PTPRG: variants seen among roughly 807,000 people sequenced by gnomAD.
The protein encoded by PTPRG is receptor-type tyrosine-protein phosphatase gamma.
PTPRG carries 102 observed loss-of-function variants against 165.3 expected under a neutral mutation model. The observed-to-expected ratio is 0.62, with a 90% CI of 0.53 to 0.73. The LOEUF is 0.73. Ranked by LOEUF, PTPRG falls within the 30% of genes least tolerant of loss-of-function variation. PTPRG has a pLI of 0.00. For synonymous variants in PTPRG, 675 were observed against 669.5 expected (o/e 1.01, Z -0.13); for missense variants, 1,866 against 1,861.4 (o/e 1.00, Z -0.05).
intron 1 of PTPRG, among the ~76,000 whole-genome samples, chr3:61,575,394 G>A (rs1021015776): frequency 6.6e-6 from 1 of 152,030 alleles, no homozygotes; most frequent in African/African-American, 2.4e-5. Flanking sequence ...AGTGGCAAAT[G>A]TGTATTTAAA....
chr3:61,725,827 G>A (rs1011208635), intron 1 of PTPRG, among the ~76,000 whole-genome samples: 5 of 151,584 alleles, frequency 3.3e-5, no homozygotes, highest in South Asian at 2.1e-4. Flanking sequence ...CAGTTCTAAC[G>A]GTTTGGTAAT....
chr3:62,191,370 A>G, intron 8 of PTPRG, 99 bp from the exon 9 acceptor site: 2 of 1,089,078 alleles, frequency 1.8e-6, no homozygotes, highest in South Asian at 1.6e-5. Flanking sequence ...TGCTTCCTGT[A>G]TTACTCTTTC....
At chr3:62,117,450 A>G (rs1702906591) in intron 5 of PTPRG, among the ~76,000 whole-genome samples, 1 of 152,236 alleles carries the variant, frequency 6.6e-6, no homozygotes, top group Admixed American at 6.5e-5. Flanking sequence ...AGATCTGATT[A>G]ACACAACACT....
chr3:61,738,111 C>T (rs2032792495), intron 1 of PTPRG, among the ~76,000 whole-genome samples: 2 of 149,278 alleles, frequency 1.3e-5, no homozygotes, highest in Non-Finnish European at 3.0e-5. Context: ...GGGGTTTCAC[C>T]GTGGTCTCGA....
At chr3:61,701,245 C>T (rs1004192951) in intron 1 of PTPRG, among the ~76,000 whole-genome samples, 3 of 152,120 alleles carry the variant, frequency 2.0e-5, no homozygotes, top group African/African-American at 7.2e-5. Flanking sequence ...TCCTCATGGT[C>T]TTGTCAGAAC....
chr3:62,250,009 A>G (rs1324457698), intron 15 of PTPRG, among the ~76,000 whole-genome samples: 3 of 152,192 alleles, frequency 2.0e-5, no homozygotes, highest in East Asian at 3.9e-4. Context: ...AGGGTTGTGC[A>G]TGTAAAGCAA....
At chr3:62,145,884 T>A (rs1293167135) in intron 6 of PTPRG, among the ~76,000 whole-genome samples, 2 of 152,248 alleles carry the variant, frequency 1.3e-5, no homozygotes, top group Non-Finnish European at 2.9e-5. Context: ...GAATCACATT[T>A]CTTTGTGCTC....
intron 14 of PTPRG, among the ~76,000 whole-genome samples, chr3:62,241,878 T>C (rs1167460174): frequency 6.6e-6 from 1 of 152,212 alleles, no homozygotes; most frequent in Admixed American, 6.5e-5. Context: ...ATTTGGGCTA[T>C]TAAGTAGTTG....
At chr3:62,043,945 C>G (rs1700206985) in intron 4 of PTPRG, among the ~76,000 whole-genome samples, 1 of 152,132 alleles carries the variant, frequency 6.6e-6, no homozygotes, top group South Asian at 2.1e-4. Flanking sequence ...GTACAGGGAG[C>G]TAGAAGCAAC....
At chr3:62,191,045 A>G (rs898082550) in intron 8 of PTPRG, among the ~76,000 whole-genome samples, 19 of 152,160 alleles carry the variant, frequency 1.2e-4, no homozygotes, top group Non-Finnish European at 2.1e-4. Context: ...CCTAGCAGAA[A>G]AACAGTTCTG....
chr3:62,124,531 T>C (rs1472948184), intron 5 of PTPRG: 73 of 1,533,304 alleles, frequency 4.8e-5, no homozygotes, highest in Non-Finnish European at 6.4e-5. Flanking sequence ...CCACCGGGGT[T>C]TTGCTCTGGG....
At chr3:61,842,718 C>T (rs908979306) in intron 2 of PTPRG, among the ~76,000 whole-genome samples, 2 of 149,194 alleles carry the variant, frequency 1.3e-5, no homozygotes, top group African/African-American at 4.9e-5. Context: ...AAGAAAAAGC[C>T]AATGGAAAGT....
intron 2 of PTPRG, among the ~76,000 whole-genome samples, chr3:61,803,404 A>G (rs746391595): frequency 7.6e-6 from 1 of 131,162 alleles, no homozygotes; most frequent in Non-Finnish European, 1.6e-5. Flanking sequence ...AGCCCATCCC[A>G]TTTCTTACTA....
intron 1 of PTPRG, among the ~76,000 whole-genome samples, chr3:61,710,929 G>A (rs1441528438): frequency 0.011 from 1,615 of 148,210 alleles, 34 homozygotes; most frequent in African/African-American, 0.037. Context: ...CTAGCCCCCC[G>A]CCCCCAGAGA....
At chr3:61,842,755 G>A (rs1211161819) in intron 2 of PTPRG, among the ~76,000 whole-genome samples, 1 of 151,674 alleles carries the variant, frequency 6.6e-6, no homozygotes, top group Non-Finnish European at 1.5e-5. Flanking sequence ...CTACTTCTAG[G>A]CCTGACCCAT....
chr3:62,161,870 T>C (rs1704777272), intron 7 of PTPRG, among the ~76,000 whole-genome samples: 1 of 152,210 alleles, frequency 6.6e-6, no homozygotes, highest in Non-Finnish European at 1.5e-5. Flanking sequence ...CGACCTGCCC[T>C]GTCATCCCTC....
In PTPRG at chr3:62,275,798, A is replaced by G. The variant is rs954252478; in HGVS notation, c.3466-75A>G. On this transcript the variant is annotated intron_variant, in intron 23 of 29. Coordinates refer to ENST00000474889, the MANE Select transcript of PTPRG (RefSeq NM_002841.4). Reference sequence around the variant, plus strand: ...CTTGTTTATCAGTAATCTGATTGGGATTTTTGCCAAAGCATCAAGCAAATG... The same window carrying G: ...CTTGTTTATCAGTAATCTGATTGGGGTTTTTGCCAAAGCATCAAGCAAATG... The G allele has an allele frequency of 9.9e-6, 11 of 1,110,122 alleles. No individual in the cohort carries two copies. The South Asian group carries it at 1.7e-4, about 17-fold the overall frequency. 68.8% of individuals were successfully genotyped at this position (1,110,122 alleles called of 1,614,324 possible).
At chr3:62,115,920 C>T (rs1162592784) in intron 5 of PTPRG, among the ~76,000 whole-genome samples, 5 of 152,220 alleles carry the variant, frequency 3.3e-5, no homozygotes, top group South Asian at 4.1e-4. Context: ...TTTAATTTGC[C>T]GGTCAAGGTT....
intron 4 of PTPRG, among the ~76,000 whole-genome samples, chr3:62,057,314 A>G (rs1700665328): frequency 6.6e-6 from 1 of 152,112 alleles, no homozygotes; most frequent in African/African-American, 2.4e-5. Flanking sequence ...AGACTTACCC[A>G]CATCCATCCT....
Sources: gnomAD v4.1 joint callset for allele counts (sites outside exome capture counted in the v4.1 genomes callset) on GRCh38, gnomAD v4.1.1 for gene constraint, MANE v1.5 for transcripts, NCBI Gene and HGNC (gene_info 2026-07-23, HGNC 2026-07-21) for gene names.